Variants in MSRA observed in about 807,000 individuals in gnomAD.
The protein encoded by MSRA is methionine sulfoxide reductase A.
A neutral mutation model predicts 31.3 loss-of-function variants in MSRA; 54 were observed. The ratio of observed to expected loss-of-function variants is 1.73; its 90% CI spans 1.39 to 2.17. MSRA has a LOEUF of 2.17. Among genes scored for constraint, MSRA ranks in the 30% most tolerant of loss-of-function variants. The pLI is 0.00. For missense variants in MSRA, 507 were observed against 300.9 expected, an observed-to-expected ratio of 1.69 and a Z score of -5.07; for synonymous variants, 169 against 116.5, an observed-to-expected ratio of 1.45 and a Z score of -2.90.
chr8:10,227,481 G>C (rs1032413152), intron 2 of MSRA, among the ~76,000 whole-genome samples: 1 of 152,164 alleles, frequency 6.6e-6, no homozygotes, highest in African/African-American at 2.4e-5. Flanking sequence ...GGGCATTGAG[G>C]CTAGATGAGA....
chr8:10,422,422 G>A (rs1297885122), intron 5 of MSRA, among the ~76,000 whole-genome samples: 1 of 152,208 alleles, frequency 6.6e-6, no homozygotes, highest in Non-Finnish European at 1.5e-5. Flanking sequence ...GACAACAGAA[G>A]GAAGGCACAG....
chr8:10,241,006 T>G (rs547454889), intron 2 of MSRA, among the ~76,000 whole-genome samples: 1 of 152,196 alleles, frequency 6.6e-6, no homozygotes, highest in South Asian at 2.1e-4. Context: ...GTCCTGCTTG[T>G]GCATGATTCC....
At chr8:10,253,293 C>T (rs1241012346) in intron 3 of MSRA, among the ~76,000 whole-genome samples, 1 of 152,218 alleles carries the variant, frequency 6.6e-6, no homozygotes, top group Non-Finnish European at 1.5e-5. Context: ...AAGACTATTG[C>T]ATGTGCTACG....
At chr8:10,070,507 C>G (rs543373431) in intron 1 of MSRA, among the ~76,000 whole-genome samples, 1 of 152,344 alleles carries the variant, frequency 6.6e-6, no homozygotes, top group Admixed American at 6.5e-5. Flanking sequence ...CTGTTGTACT[C>G]TTTGCCTGGT....
intron 1 of MSRA, among the ~76,000 whole-genome samples, chr8:10,124,743 G>T (rs1801380611): frequency 6.6e-6 from 1 of 152,116 alleles, no homozygotes; most frequent in South Asian, 2.1e-4. Flanking sequence ...AGGATGCAGA[G>T]ATGATTTTTT....
At chr8:10,340,723 T>G (rs978806129) in intron 5 of MSRA, among the ~76,000 whole-genome samples, 3 of 152,228 alleles carry the variant, frequency 2.0e-5, no homozygotes, top group African/African-American at 7.2e-5. Context: ...ATGGCATGTT[T>G]TGATTCAATT....
intron 2 of MSRA, among the ~76,000 whole-genome samples, chr8:10,241,792 A>C (rs1405310367): frequency 6.6e-6 from 1 of 152,184 alleles, no homozygotes; most frequent in African/African-American, 2.4e-5. Context: ...GAGTCTGATG[A>C]AGCCTCTGGA....
At chr8:10,064,605 C>T (rs1408179226) in intron 1 of MSRA, among the ~76,000 whole-genome samples, 2 of 152,134 alleles carry the variant, frequency 1.3e-5, no homozygotes, top group African/African-American at 4.8e-5. Flanking sequence ...CATCGGATGT[C>T]TTCCCAGAGC....
chr8:10,316,368 C>T (rs927226987), intron 4 of MSRA, among the ~76,000 whole-genome samples: 1 of 152,066 alleles, frequency 6.6e-6, no homozygotes, highest in Non-Finnish European at 1.5e-5. Flanking sequence ...GTCAGTTTCA[C>T]CTTTGAGGGA....
At chr8:10,363,015 CATAAG>C (rs1410627613) in intron 5 of MSRA, among the ~76,000 whole-genome samples, 2 of 152,204 alleles carry the variant, frequency 1.3e-5, no homozygotes, top group Non-Finnish European at 2.9e-5. Flanking sequence ...TAAGAACACT[CATAAG>C]AAATGTATTC....
chr8:10,341,513 T>C (rs1201747512), intron 5 of MSRA, among the ~76,000 whole-genome samples: 1 of 152,186 alleles, frequency 6.6e-6, no homozygotes, highest in African/African-American at 2.4e-5. Context: ...GGAGATGACA[T>C]TTCAACATGA....
At chr8:10,336,264 G>T (rs1460474454) in intron 5 of MSRA, among the ~76,000 whole-genome samples, 1 of 152,012 alleles carries the variant, frequency 6.6e-6, no homozygotes, top group East Asian at 1.9e-4. Flanking sequence ...GAAAAATACT[G>T]TGAGAAAAAA....
rs61504375 is a variant in MSRA at position 10,320,744 on chromosome 8, A to C, written c.543+755A>C. Among the ~76,000 whole-genome samples, 286 of 152,200 alleles carry C rather than the reference A, an allele frequency of 1.9e-3. 2 individuals are homozygous for C. Among genetic ancestry groups the C allele is most frequent in the African/African-American group, 6.5e-3 (271 of 41,518 alleles). On this transcript the variant is annotated intron_variant, in intron 5 of 5. Coordinates refer to ENST00000317173, the MANE Select transcript of MSRA (RefSeq NM_012331.5). The stretch of plus-strand genomic sequence containing the variant: ...GTGTCGGCAGGGCTGGTTCCTTCTG[A>C]GTGCTGTGAGGGAAGGGAAGGATCT...
intron 1 of MSRA, among the ~76,000 whole-genome samples, chr8:10,141,878 G>C (rs994897936): frequency 1.3e-5 from 2 of 152,218 alleles, no homozygotes; most frequent in East Asian, 3.8e-4. Flanking sequence ...GCTGGTAGTA[G>C]GCACTCAGTC....
chr8:10,066,425 A>T (rs936351994), intron 1 of MSRA, among the ~76,000 whole-genome samples: 1 of 152,210 alleles, frequency 6.6e-6, no homozygotes, highest in African/African-American at 2.4e-5. Flanking sequence ...AATCATACAC[A>T]CACACGCACA....
chr8:10,236,647 C>T (rs144229795), intron 2 of MSRA, among the ~76,000 whole-genome samples: 2,530 of 152,242 alleles, frequency 0.017, 72 homozygotes, highest in African/African-American at 0.058. Flanking sequence ...TGAGTTCAAG[C>T]GATTCTCCTG....
At chr8:10,090,631 G>T (rs183404032) in intron 1 of MSRA, among the ~76,000 whole-genome samples, 1 of 152,160 alleles carries the variant, frequency 6.6e-6, no homozygotes, top group Non-Finnish European at 1.5e-5. Context: ...CCATTAAACC[G>T]TGAAAATGTT....
intron 5 of MSRA, among the ~76,000 whole-genome samples, chr8:10,356,492 G>T (rs1482146830): frequency 6.6e-6 from 1 of 152,082 alleles, no homozygotes; most frequent in Non-Finnish European, 1.5e-5. Context: ...ATTTCTTTAC[G>T]GATTTGTCAC....
At position 10,207,955 on chromosome 8, in the gene MSRA, A is replaced by G. The variant is rs902485460; in HGVS notation, c.211+54A>G. On this transcript the variant is annotated intron_variant, in intron 2 of 5. Coordinates refer to ENST00000317173, the MANE Select transcript of MSRA (RefSeq NM_012331.5). ...AAATTGTGTGCAAAGACTAGTGCCA[A>G]ATTTCTTAGTTTTAGCAAGTGTTCT... The G allele has an allele frequency of 4.1e-6, 6 of 1,459,874 alleles. No homozygotes were observed. The Admixed American group carries it at 7.6e-5, about 19-fold the overall frequency. 90.4% of individuals were successfully genotyped at this position (1,459,874 alleles called of 1,614,324 possible).
Sources: gnomAD v4.1 joint callset for allele counts (sites outside exome capture counted in the v4.1 genomes callset) on GRCh38, gnomAD v4.1.1 for gene constraint, MANE v1.5 for transcripts, NCBI Gene and HGNC (gene_info 2026-07-23, HGNC 2026-07-21) for gene names.